TMPRSS11A: variants seen among roughly 807,000 people sequenced by gnomAD.
The protein encoded by TMPRSS11A is transmembrane serine protease 11A.
Under a neutral mutation model 58.9 loss-of-function variants are expected in TMPRSS11A, and 53 were observed. The observed-to-expected ratio is 0.90, with a 90% confidence interval of 0.72 to 1.13. TMPRSS11A has a LOEUF of 1.13. Ranked by LOEUF, TMPRSS11A falls within the 50% of genes most tolerant of loss-of-function variation. The pLI, the probability that TMPRSS11A is intolerant of heterozygous loss-of-function variation, is 0.00. For missense variants in TMPRSS11A, 493 were observed against 499.3 expected, an observed-to-expected ratio of 0.99 and a Z score of 0.12; for synonymous variants, 167 against 169.8, an observed-to-expected ratio of 0.98 and a Z score of 0.13.
intron 1 of TMPRSS11A, among the ~76,000 whole-genome samples, chr4:67,960,294 T>A (rs542801795): frequency 6.6e-6 from 1 of 152,126 alleles, no homozygotes; most frequent in Non-Finnish European, 1.5e-5. Context: ...TGTTGAAATT[T>A]AAAAAAATTA....
intron 9 of TMPRSS11A, 88 bp from the exon 10 acceptor site, chr4:67,911,591 G>T: frequency 9.4e-7 from 1 of 1,066,044 alleles, no homozygotes; most frequent in Non-Finnish European, 1.4e-6. Flanking sequence ...CACATATTTT[G>T]TTACTAGACA....
chr4:67,957,009 C>T (rs1721307814), intron 1 of TMPRSS11A, among the ~76,000 whole-genome samples: 1 of 152,120 alleles, frequency 6.6e-6, no homozygotes, highest in Non-Finnish European at 1.5e-5. Flanking sequence ...GGGGGAGTTT[C>T]CCTGCACAAG....
At position 67,911,151 on chromosome 4, in the gene TMPRSS11A, T is replaced by A; in HGVS notation, c.*191A>T. On this transcript the variant is annotated 3_prime_UTR_variant, in exon 10 of 10. Transcript: ENST00000508048. Reference sequence around the variant, plus strand: ...CAAGCCAGATCCATTACTTTACAAATAAAAGTCCCTTATAAATTGGCTAAG... The same window carrying A: ...CAAGCCAGATCCATTACTTTACAAAAAAAAGTCCCTTATAAATTGGCTAAG... The A allele has an allele frequency of 2.1e-6, 1 of 486,428 alleles. No individual in the cohort carries two copies. The highest frequency in any genetic ancestry group is 3.6e-6 in the Non-Finnish European group (1 of 278,026). The allele number at this position is 486,428 out of a possible 1,614,324, so 30.1% of individuals were successfully genotyped here.
chr4:67,928,480 G>A (rs1209849541), intron 5 of TMPRSS11A, among the ~76,000 whole-genome samples: 2 of 152,210 alleles, frequency 1.3e-5, no homozygotes, highest in Non-Finnish European at 2.9e-5. Flanking sequence ...AACAATTTAT[G>A]CTTTACTCTG....
At position 67,963,487 on chromosome 4, in the gene TMPRSS11A, A is replaced by G; in HGVS notation, c.-94T>C. 1.4e-6 allele frequency: 2 copies of G among 1,398,782 alleles called. No homozygotes were observed. The highest frequency in any genetic ancestry group is 2.0e-5 in the Admixed American group (1 of 51,210). 86.6% of individuals were successfully genotyped at this position (1,398,782 alleles called of 1,614,324 possible). On this transcript the variant is annotated 5_prime_UTR_variant, in exon 1 of 10. Coordinates refer to ENST00000508048, the MANE Select transcript of TMPRSS11A (RefSeq NM_001114387.2). ...ACATCTCTAGATGTATTAGAAGTCT[A>G]CGGCTCAAAGAAATAAGGAAACAAA...
intron 6 of TMPRSS11A, among the ~76,000 whole-genome samples, chr4:67,923,917 C>T (rs1256430334): frequency 6.6e-6 from 1 of 151,990 alleles, no homozygotes; most frequent in Admixed American, 6.6e-5. Flanking sequence ...TTCAAATTGC[C>T]CCAGAAGGTT....
rs1410749033 is a variant in TMPRSS11A at position 67,932,003 on chromosome 4, C to T, written c.310G>A (p.Val104Ile). ...CCCAAACATACATACGTCAGTCTGA[C>T]TACTTGGTTCTTGATATAATTTTTC... ...WKKNYIKNQV[V>I]RLTPEEDGVK... The change falls in exon 4 of 10, where the codon GTC (valine) becomes ATC (isoleucine). Residue 104 changes from valine to isoleucine, a missense_variant. By Grantham distance (29) the Val-to-Ile change is conservative (BLOSUM62 3). Coordinates refer to ENST00000508048, the MANE Select transcript of TMPRSS11A (RefSeq NM_001114387.2). 1 of 1,599,962 alleles carries T rather than the reference C, an allele frequency of 6.3e-7. No individual in the cohort carries two copies. The highest frequency in any genetic ancestry group is 2.2e-5 in the East Asian group (1 of 44,810).
At chr4:67,933,771 A>C (rs563010188) in intron 3 of TMPRSS11A, among the ~76,000 whole-genome samples, 4 of 152,226 alleles carry the variant, frequency 2.6e-5, no homozygotes, top group African/African-American at 4.8e-5. Context: ...CAAAAAATAA[A>C]AAGGCAAACA....
At chr4:67,930,806 T>C (rs1720594200) in intron 4 of TMPRSS11A, among the ~76,000 whole-genome samples, 3 of 108,168 alleles carry the variant, frequency 2.8e-5, no homozygotes, top group Non-Finnish European at 3.6e-5. Context: ...CTGTTATCTC[T>C]CCTTTTTTTT....
intron 1 of TMPRSS11A, among the ~76,000 whole-genome samples, chr4:67,953,104 C>T (rs1721203833): frequency 6.6e-6 from 1 of 152,090 alleles, no homozygotes; most frequent in Non-Finnish European, 1.5e-5. Flanking sequence ...AGGGTTCATG[C>T]CTCTATGGGA....
At chr4:67,912,676 A>G (rs1720016719) in intron 9 of TMPRSS11A, among the ~76,000 whole-genome samples, 1 of 152,152 alleles carries the variant, frequency 6.6e-6, no homozygotes, top group African/African-American at 2.4e-5. Context: ...TACCTTCTAG[A>G]GTTACTGTTG....
At chr4:67,932,103 T>C in intron 3 of TMPRSS11A, 43 bp from the exon 4 acceptor site, 3 of 1,132,672 alleles carry the variant, frequency 2.6e-6, no homozygotes, top group Non-Finnish European at 3.9e-6. Context: ...ATAATATATT[T>C]TATAATAGGA....
chr4:67,937,803 A>G (rs560262085), intron 3 of TMPRSS11A, among the ~76,000 whole-genome samples: 166 of 152,044 alleles, frequency 1.1e-3, no homozygotes, highest in Non-Finnish European at 1.0e-3. Context: ...TGTCCAATCC[A>G]CCATTGATGG....
intron 1 of TMPRSS11A, among the ~76,000 whole-genome samples, chr4:67,949,393 T>C (rs966929653): frequency 2.0e-5 from 3 of 152,194 alleles, no homozygotes; most frequent in African/African-American, 7.2e-5. Flanking sequence ...GATAAGTTGT[T>C]AGAGTGTTTC....
At chr4:67,961,085 A>T (rs1721410410) in intron 1 of TMPRSS11A, among the ~76,000 whole-genome samples, 1 of 152,226 alleles carries the variant, frequency 6.6e-6, no homozygotes, top group Non-Finnish European at 1.5e-5. Context: ...AAACAGAAAG[A>T]ATCCCTGCAA....
chr4:67,938,035 TTC>T lies in TMPRSS11A; in HGVS notation c.253-5977_253-5976del, dbSNP rs1449349272. On this transcript the variant is annotated intron_variant, in intron 3 of 9. Coordinates refer to ENST00000508048, the MANE Select transcript of TMPRSS11A (RefSeq NM_001114387.2). The stretch of plus-strand genomic sequence containing the variant: ...TTACGTTTCCAACAGTATTTAAGCA[TTC>T]TCTTTCCTCCGCAGTCTCATCAGCA... Among the ~76,000 whole-genome samples the T allele has an allele frequency of 3.9e-5, 6 of 152,306 alleles. No homozygotes were observed. The East Asian group carries it at 7.7e-4, about 20-fold the overall frequency.
Position 67,919,067 on chromosome 4 carries a change from A to G in TMPRSS11A, c.858T>C (p.Asp286=), listed in dbSNP as rs1020058741. 6.2e-7 allele frequency: 1 copy of G among 1,614,190 alleles called. No homozygotes were observed. The highest frequency in any genetic ancestry group is 1.7e-5 in the Admixed American group (1 of 60,014). ...CTGGCAAACAAATCTGGCGTATGTCATCCGAAAAGGTGACTCTGGAAGAGA... is the reference window on the plus strand; with the variant it reads ...CTGGCAAACAAATCTGGCGTATGTCGTCCGAAAAGGTGACTCTGGAAGAGA... The part of the protein sequence containing the change: ...VQVSSRVTFS[D]DIRQICLPEA... Residue 286 remains aspartate (D), a synonymous_variant, in exon 8 of 10, where the codon GAT becomes GAC. Coordinates refer to ENST00000508048, the MANE Select transcript of TMPRSS11A (RefSeq NM_001114387.2).
At chr4:67,940,375 C>G (rs1203487586) in intron 3 of TMPRSS11A, among the ~76,000 whole-genome samples, 1 of 150,494 alleles carries the variant, frequency 6.6e-6, no homozygotes, top group Non-Finnish European at 1.5e-5. Flanking sequence ...CTTTTTTTTT[C>G]CTTTTGGCTG....
intron 9 of TMPRSS11A, among the ~76,000 whole-genome samples, chr4:67,911,956 A>G (rs955742149): frequency 3.3e-5 from 5 of 152,092 alleles, no homozygotes; most frequent in African/African-American, 4.8e-5. Context: ...GTTGTTTTAC[A>G]ACTTCTTTGC....
Sources: allele counts gnomAD v4.1 joint callset (sites outside exome capture counted in the v4.1 genomes callset), GRCh38; gene constraint gnomAD v4.1.1; transcripts MANE v1.5; gene names NCBI Gene and HGNC (gene_info 2026-07-23, HGNC 2026-07-21).